Variants in MGAT4C observed in about 807,000 individuals in gnomAD.
The protein encoded by MGAT4C is MGAT4 family member C, also known as alpha-1,3-mannosyl-glycoprotein 4-beta-N-acetylglucosaminyltransferase C.
In MGAT4C, 19 loss-of-function variants were observed where a neutral mutation model predicts 40.1. The observed-to-expected ratio is 0.47, with a 90% CI of 0.33 to 0.70. The LOEUF (loss-of-function observed/expected upper bound fraction) is 0.70, where lower values mean the gene tolerates loss of function less well. Ranked by LOEUF, MGAT4C falls within the 30% of genes least tolerant of loss-of-function variation. The probability of loss-of-function intolerance (pLI) is 0.02; values close to 1 mark genes in which losing one functional copy is unlikely to be tolerated. For synonymous variants in MGAT4C, 181 were observed against 187.1 expected (o/e 0.97, Z 0.27); for missense variants, 491 against 563.2 (o/e 0.87, Z 1.30).
intron 1 of MGAT4C, among the ~76,000 whole-genome samples, chr12:86,829,980 T>C (rs1952889009): frequency 6.6e-6 from 1 of 151,358 alleles, no homozygotes; most frequent in Non-Finnish European, 1.5e-5. Context: ...ATTTTAGAAG[T>C]ATCCTTAATA....
chr12:86,701,308 C>G (rs1349879946), intron 2 of MGAT4C, among the ~76,000 whole-genome samples: 1 of 151,978 alleles, frequency 6.6e-6, no homozygotes, highest in East Asian at 1.9e-4. Context: ...TTTCCAACAG[C>G]ATGTGCTCAC....
chr12:86,376,518 A>G (rs1955825014), intron 3 of MGAT4C, among the ~76,000 whole-genome samples: 1 of 152,176 alleles, frequency 6.6e-6, no homozygotes, highest in Non-Finnish European at 1.5e-5. Context: ...CTAGAACAAT[A>G]TATTAGAATC....
chr12:86,833,134 T>C (rs1039583333), intron 1 of MGAT4C, among the ~76,000 whole-genome samples: 1 of 151,864 alleles, frequency 6.6e-6, no homozygotes, highest in African/African-American at 2.4e-5. Flanking sequence ...AACGGAAGTT[T>C]AGAAAATTTA....
At chr12:86,539,266 C>T (rs946547425) in intron 2 of MGAT4C, among the ~76,000 whole-genome samples, 16 of 150,582 alleles carry the variant, frequency 1.1e-4, no homozygotes, top group African/African-American at 3.7e-4. Flanking sequence ...TGAATGAGAA[C>T]ATGCAGTGTT....
chr12:86,123,366 C>G (rs1293496327), intron 1 of MGAT4C, among the ~76,000 whole-genome samples: 1 of 152,056 alleles, frequency 6.6e-6, no homozygotes, highest in Non-Finnish European at 1.5e-5. Context: ...GTATCAGATG[C>G]ATGATGGTAG....
intron 2 of MGAT4C, among the ~76,000 whole-genome samples, chr12:86,551,216 G>T (rs563485436): frequency 2.0e-5 from 3 of 152,068 alleles, no homozygotes; most frequent in South Asian, 4.1e-4. Context: ...ACCCTTTAAG[G>T]TTCCCCTGGT....
intron 2 of MGAT4C, among the ~76,000 whole-genome samples, chr12:86,623,085 C>T (rs1207868216): frequency 6.6e-6 from 1 of 152,080 alleles, no homozygotes; most frequent in Non-Finnish European, 1.5e-5. Context: ...TGAAGCAGAG[C>T]ATTAGTGAAC....
At chr12:86,487,155 T>C (rs1401376592) in intron 2 of MGAT4C, among the ~76,000 whole-genome samples, 1 of 152,148 alleles carries the variant, frequency 6.6e-6, no homozygotes, top group African/African-American at 2.4e-5. Flanking sequence ...TGAATAGCAA[T>C]GGAGTCATTT....
At chr12:86,338,329 C>T (rs1592713928) in intron 3 of MGAT4C, among the ~76,000 whole-genome samples, 1 of 152,168 alleles carries the variant, frequency 6.6e-6, no homozygotes, top group South Asian at 2.1e-4. Flanking sequence ...CTGGGTGGTT[C>T]CAGCTGATAC....
chr12:86,104,681 A>T (rs1222502264), intron 1 of MGAT4C, among the ~76,000 whole-genome samples: 1 of 152,196 alleles, frequency 6.6e-6, no homozygotes, highest in Non-Finnish European at 1.5e-5. Flanking sequence ...TTGCAATTTT[A>T]CAGAAAATCG....
At chr12:86,350,895 A>G (rs1487161539) in intron 3 of MGAT4C, among the ~76,000 whole-genome samples, 1 of 151,788 alleles carries the variant, frequency 6.6e-6, no homozygotes, top group Non-Finnish European at 1.5e-5. Flanking sequence ...GAGCAACTGT[A>G]TTTTATTTAC....
chr12:86,167,141 T>C (rs534919599), intron 1 of MGAT4C, among the ~76,000 whole-genome samples: 2 of 152,310 alleles, frequency 1.3e-5, no homozygotes, highest in African/African-American at 4.8e-5. Context: ...CTAGGTTTCT[T>C]ATTCTATCAA....
chr12:86,808,106 C>A (rs1952397558), intron 1 of MGAT4C, among the ~76,000 whole-genome samples: 1 of 151,950 alleles, frequency 6.6e-6, no homozygotes. Context: ...CTGAATAGAC[C>A]AATAACAAGT....
At chr12:86,147,712 A>C (rs1883737236) in intron 1 of MGAT4C, among the ~76,000 whole-genome samples, 1 of 152,206 alleles carries the variant, frequency 6.6e-6, no homozygotes, top group Non-Finnish European at 1.5e-5. Flanking sequence ...GTGATGGATT[A>C]CTAGAGAGGA....
intron 3 of MGAT4C, among the ~76,000 whole-genome samples, chr12:86,370,163 C>A (rs75973586): frequency 0.018 from 2,744 of 151,998 alleles, 77 homozygotes; most frequent in African/African-American, 0.062. Context: ...GTAACATTTA[C>A]CTCACTAGAA....
At chr12:86,473,697 T>C (rs1156435913) in intron 2 of MGAT4C, among the ~76,000 whole-genome samples, 1 of 152,230 alleles carries the variant, frequency 6.6e-6, no homozygotes, top group Non-Finnish European at 1.5e-5. Flanking sequence ...AAATTCTGCC[T>C]ACTGCATCAT....
intron 1 of MGAT4C, among the ~76,000 whole-genome samples, chr12:86,177,653 A>G (rs1887607403): frequency 6.6e-6 from 1 of 152,096 alleles, no homozygotes; most frequent in Non-Finnish European, 1.5e-5. Context: ...ATTTATGGAG[A>G]AAAAGTAAAG....
intron 2 of MGAT4C, among the ~76,000 whole-genome samples, chr12:86,516,601 A>C (rs1958691600): frequency 6.6e-6 from 1 of 152,168 alleles, no homozygotes; most frequent in African/African-American, 2.4e-5. Context: ...AAACAATAAA[A>C]GGAAAAATAG....
intron 2 of MGAT4C, among the ~76,000 whole-genome samples, chr12:86,568,431 C>T (rs1253201837): frequency 6.6e-6 from 1 of 151,836 alleles, no homozygotes; most frequent in African/African-American, 2.4e-5. Context: ...GTTCGATTCC[C>T]TACTTTTGAG....
Sources: allele counts gnomAD v4.1 joint callset (sites outside exome capture counted in the v4.1 genomes callset), GRCh38; gene constraint gnomAD v4.1.1; transcripts MANE v1.5; gene names NCBI Gene and HGNC (gene_info 2026-07-23, HGNC 2026-07-21).